IQGAP2: variants seen among roughly 807,000 people sequenced by gnomAD.
IQGAP2 encodes IQ motif containing GTPase activating protein 2, also known as ras GTPase-activating-like protein IQGAP2.
In IQGAP2, 173 loss-of-function variants were observed where a neutral mutation model predicts 201.3. The ratio of observed to expected loss-of-function variants is 0.86; its 90% CI spans 0.76 to 0.98. The LOEUF (loss-of-function observed/expected upper bound fraction) is 0.98. Among genes scored for constraint, IQGAP2 ranks in the 50% least tolerant of loss-of-function variants. The pLI is 0.00. For missense variants in IQGAP2, 1,687 were observed against 1,864.8 expected (o/e 0.90, Z 1.76); for synonymous variants, 675 against 673.9 (o/e 1.00, Z -0.03).
In IQGAP2 at chr5:76,618,692, A is replaced by G. The variant is rs766748990; in HGVS notation, c.1521+7509A>G. 3.8e-5 allele frequency: 53 copies of G among 1,389,810 alleles called. No homozygotes were observed. In the African/African-American group the frequency reaches 7.1e-4, roughly 19 times the overall value. The allele number at this position is 1,389,810 out of a possible 1,614,324, so 86.1% of individuals were successfully genotyped here. A position where few individuals can be genotyped will look rare whatever the true frequency, so the allele number is the denominator to read the frequency against. On this transcript the variant is annotated intron_variant, in intron 13 of 35. Transcript: ENST00000274364. The stretch of plus-strand genomic sequence containing the variant: ...ATAAATGTATAGTTCAAGAGAAAAG[A>G]AAGTGTGTTTAATTATTTGTAAATA...
intron 1 of IQGAP2, among the ~76,000 whole-genome samples, chr5:76,427,932 T>C (rs1316959164): frequency 1.3e-5 from 2 of 152,216 alleles, no homozygotes; most frequent in African/African-American, 2.4e-5. Flanking sequence ...TGAGCCCGTC[T>C]GCAGCCTTGC....
intron 18 of IQGAP2, among the ~76,000 whole-genome samples, chr5:76,653,466 G>A (rs1404589809): frequency 6.6e-6 from 1 of 152,164 alleles, no homozygotes; most frequent in Non-Finnish European, 1.5e-5. Context: ...TTAGTTTAAA[G>A]ATCTTTCAGG....
In IQGAP2 at chr5:76,644,282, ATTTTTGTAAATCCTTTTTTT is replaced by A. The variant is rs1348114872; in HGVS notation, c.2094+3185_2094+3204del. Among the ~76,000 whole-genome samples, 82 of 75,992 alleles carry A rather than the reference ATTTTTGTAAATCCTTTTTTT, an allele frequency of 1.1e-3. 1 individual carries two copies. The highest frequency in any genetic ancestry group is 1.0e-3 in the Non-Finnish European group (37 of 35,532). 49.9% of individuals were successfully genotyped at this position (75,992 alleles called of 152,430 possible). Reference sequence around the variant, plus strand: ...TACCAGGCAGGAGAATGAGACTGCCATTTTTGTAAATCCTTTTTTTTTTTTTTTTTTTTTTGAGACAGAGT... The same window carrying A: ...TACCAGGCAGGAGAATGAGACTGCCATTTTTTTTTTTTTTTGAGACAGAGT... On this transcript the variant is annotated intron_variant, in intron 17 of 35. Transcript: ENST00000274364.
At chr5:76,546,010 AG>A (rs1743073180) in intron 2 of IQGAP2, among the ~76,000 whole-genome samples, 1 of 152,120 alleles carries the variant, frequency 6.6e-6, no homozygotes, top group Non-Finnish European at 1.5e-5. Context: ...CTTTTTCTTA[AG>A]CCAGAACAGA....
At chr5:76,536,562 C>T (rs1759633165) in intron 2 of IQGAP2, among the ~76,000 whole-genome samples, 1 of 151,474 alleles carries the variant, frequency 6.6e-6, no homozygotes, top group South Asian at 2.1e-4. Flanking sequence ...GAGTTCAAGA[C>T]CAGCCTGACC....
At position 76,403,464 on chromosome 5, in the gene IQGAP2, G is replaced by C. The variant is rs936388301; in HGVS notation, c.-82G>C. 145 of 1,104,548 alleles carry C rather than the reference G, an allele frequency of 1.3e-4. No individual in the cohort carries two copies. The highest frequency in any genetic ancestry group is 1.6e-4 in the Non-Finnish European group (139 of 847,382). 68.4% of individuals were successfully genotyped at this position (1,104,548 alleles called of 1,614,324 possible). A position where few individuals can be genotyped will look rare whatever the true frequency, so the allele number is the denominator to read the frequency against. ...CGAGAGGCGGGATCCGAGCGCGCCGGCGGGGCGCAGAGCCCGCGAGCCTGG... is the reference window on the plus strand; with the variant it reads ...CGAGAGGCGGGATCCGAGCGCGCCGCCGGGGCGCAGAGCCCGCGAGCCTGG... On this transcript the variant is annotated 5_prime_UTR_variant, in exon 1 of 36. Transcript: ENST00000274364. This position sits in a 1 kb window ranked among gnomAD's most constrained non-coding sequence, Gnocchi z 4.8.
intron 2 of IQGAP2, among the ~76,000 whole-genome samples, chr5:76,462,014 A>G (rs78662582): frequency 1.4e-3 from 216 of 152,310 alleles, no homozygotes; most frequent in African/African-American, 5.0e-3. Context: ...AGAAGCATCT[A>G]TTTCTTGCAA....
intron 16 of IQGAP2, among the ~76,000 whole-genome samples, chr5:76,639,879 T>A (rs972063445): frequency 4.6e-5 from 7 of 152,200 alleles, no homozygotes; most frequent in African/African-American, 1.7e-4. Context: ...TTAGTGCTAA[T>A]TTTGAAGAAA....
At chr5:76,433,541 G>T (rs1445098826) in intron 1 of IQGAP2, among the ~76,000 whole-genome samples, 1 of 152,160 alleles carries the variant, frequency 6.6e-6, no homozygotes, top group African/African-American at 2.4e-5. Flanking sequence ...CGTAGGGGAG[G>T]TGATAGCTTT....
intron 2 of IQGAP2, among the ~76,000 whole-genome samples, chr5:76,489,296 C>G (rs1186721350): frequency 3.3e-5 from 5 of 152,162 alleles, no homozygotes; most frequent in Non-Finnish European, 5.9e-5. Context: ...GATTACAACT[C>G]TATAGTTTTG....
chr5:76,454,685 T>C (rs1157031030), intron 1 of IQGAP2, among the ~76,000 whole-genome samples: 2 of 140,010 alleles, frequency 1.4e-5, no homozygotes, highest in Non-Finnish European at 3.1e-5. Flanking sequence ...CTTAATCCAG[T>C]CTATCATTGT....
intron 30 of IQGAP2, among the ~76,000 whole-genome samples, chr5:76,686,869 T>C (rs1283241568): frequency 6.6e-6 from 1 of 152,226 alleles, no homozygotes; most frequent in African/African-American, 2.4e-5. Context: ...TTAAACAGAC[T>C]ATTCTTTCTT....
intron 1 of IQGAP2, among the ~76,000 whole-genome samples, chr5:76,406,810 G>C (rs967159257): frequency 7.4e-6 from 1 of 134,384 alleles, no homozygotes; most frequent in African/African-American, 2.6e-5. Context: ...GCATAGGCAA[G>C]AACTGTGGTT....
intron 2 of IQGAP2, among the ~76,000 whole-genome samples, chr5:76,502,324 G>A (rs1757324218): frequency 6.6e-6 from 1 of 152,170 alleles, no homozygotes; most frequent in African/African-American, 2.4e-5. Context: ...TTAGTGAGAT[G>A]GTAGTGGTTA....
At chr5:76,426,446 C>A (rs772647946) in intron 1 of IQGAP2, among the ~76,000 whole-genome samples, 2 of 152,146 alleles carry the variant, frequency 1.3e-5, no homozygotes, top group Non-Finnish European at 2.9e-5. Flanking sequence ...AGAAGGGAAA[C>A]CAAACAGTTG....
At position 76,461,608 on chromosome 5, in the gene IQGAP2, G is replaced by A; in HGVS notation, c.85G>A (p.Asp29Asn). The change falls in exon 2 of 36, where the codon GAT (aspartate) becomes AAT (asparagine). Residue 29 changes from aspartate (D) to asparagine (N), a missense_variant. By Grantham distance (23) the Asp-to-Asn change is conservative. Transcript: ENST00000274364. ...TGAAAGGCTCTCTGCAGAGGAGATG[G>A]ATGAGAGGAGGCGGCAGAACATTGC... ...DDERLSAEEM[D>N]ERRRQNIAYE... 6.2e-7 allele frequency: 1 copy of A among 1,614,046 alleles called. No individual in the cohort carries two copies. Among genetic ancestry groups the A allele is most frequent in the Non-Finnish European group, 8.5e-7 (1 of 1,179,914 alleles).
Position 76,642,404 on chromosome 5 carries a change from A to G in IQGAP2, c.2094+1301A>G, listed in dbSNP as rs1751659334. ...TGGAGCCTTTTTCCTCCACCTCAGC[A>G]GAGGCAAAAGAATTGACGAAGCAGC... On this transcript the variant is annotated intron_variant, in intron 17 of 35. Transcript: ENST00000274364. Among the ~76,000 whole-genome samples, 3 of 152,192 alleles carry G rather than the reference A, an allele frequency of 2.0e-5. No individual in the cohort carries two copies. The South Asian group carries it at 6.2e-4, about 32-fold the overall frequency.
chr5:76,407,132 A>G (rs996025688), intron 1 of IQGAP2, among the ~76,000 whole-genome samples: 3 of 151,794 alleles, frequency 2.0e-5, no homozygotes, highest in Admixed American at 6.6e-5. Flanking sequence ...GGCACACATC[A>G]CCACACCTAG....
intron 1 of IQGAP2, among the ~76,000 whole-genome samples, chr5:76,427,908 T>C (rs1752104875): frequency 6.6e-6 from 1 of 152,216 alleles, no homozygotes; most frequent in Non-Finnish European, 1.5e-5. Flanking sequence ...TTCTCTGTGC[T>C]GGAGGTGAGT....
Sources: gnomAD v4.1 joint callset for allele counts (sites outside exome capture counted in the v4.1 genomes callset) on GRCh38, gnomAD v4.1.1 for gene constraint, Gnocchi (gnomAD v3.1) non-coding constraint, MANE v1.5 for transcripts, NCBI Gene and HGNC (gene_info 2026-07-23, HGNC 2026-07-21) for gene names.